Variants in LYPD6B observed in about 807,000 individuals in gnomAD.
LYPD6B encodes ly6/PLAUR domain-containing protein 6B.
In LYPD6B, 17 loss-of-function variants were observed where a neutral mutation model predicts 22.8. That is an observed-to-expected ratio of 0.75 (90% CI 0.51 to 1.12). The LOEUF is 1.12. Ranked by LOEUF, LYPD6B falls within the 50% of genes most tolerant of loss-of-function variation. LYPD6B has a pLI of 0.00. For synonymous variants in LYPD6B, 106 were observed against 91.6 expected (o/e 1.16, Z -0.90); for missense variants, 221 against 258.3 (o/e 0.86, Z 0.99).
intron 3 of LYPD6B, among the ~76,000 whole-genome samples, chr2:149,161,172 G>T (rs2105884801): frequency 6.6e-6 from 1 of 152,228 alleles, no homozygotes; most frequent in Middle Eastern, 3.4e-3. Context: ...GACAGATGGG[G>T]GTGCGTCGGG....
At chr2:149,153,307 G>T (rs1689487347) in intron 2 of LYPD6B, among the ~76,000 whole-genome samples, 1 of 152,186 alleles carries the variant, frequency 6.6e-6, no homozygotes, top group Non-Finnish European at 1.5e-5. Flanking sequence ...TGGAAAATAA[G>T]CTTGGGAGAG....
At chr2:149,163,088 T>G (rs1315101950) in intron 3 of LYPD6B, among the ~76,000 whole-genome samples, 3 of 152,142 alleles carry the variant, frequency 2.0e-5, no homozygotes, top group Non-Finnish European at 4.4e-5. Context: ...GAGCCCAGAT[T>G]CAGCTCTGTG....
At chr2:149,209,308 CATCTT>C (rs1300388532) in intron 5 of LYPD6B, among the ~76,000 whole-genome samples, 1 of 151,976 alleles carries the variant, frequency 6.6e-6, no homozygotes, top group Non-Finnish European at 1.5e-5. Flanking sequence ...TGAGGACTCT[CATCTT>C]CAGACAGAAG....
chr2:149,143,511 C>A (rs1459388444), intron 2 of LYPD6B, among the ~76,000 whole-genome samples: 2 of 75,442 alleles, frequency 2.7e-5, no homozygotes, highest in African/African-American at 5.4e-5. Context: ...CAACATGTGA[C>A]GCAAAAAAAA....
chr2:149,134,325 C>G (rs1688222240), intron 2 of LYPD6B, among the ~76,000 whole-genome samples: 1 of 152,124 alleles, frequency 6.6e-6, no homozygotes, highest in Admixed American at 6.5e-5. Flanking sequence ...AGAATTATGC[C>G]TAGATTGTAC....
At chr2:149,067,823 A>G (rs1684411074) in intron 1 of LYPD6B, among the ~76,000 whole-genome samples, 1 of 152,154 alleles carries the variant, frequency 6.6e-6, no homozygotes, top group South Asian at 2.1e-4. Context: ...GAAAAATTTA[A>G]TTTACTACTC....
At chr2:149,206,128 A>C (rs540397194) in intron 4 of LYPD6B, 7 of 371,454 alleles carry the variant, frequency 1.9e-5, no homozygotes, top group South Asian at 1.6e-4. Flanking sequence ...AGAGTATCAG[A>C]ATCATGATGA....
chr2:149,051,282 A>C lies in LYPD6B; in HGVS notation c.-67+12481A>C, dbSNP rs187221277. Reference sequence around the variant, plus strand: ...CTGGGTTCACACCGTTCTCCTGCTCAGCTTCCCGAATAGCTGGGACTACAG... The same window carrying C: ...CTGGGTTCACACCGTTCTCCTGCTCCGCTTCCCGAATAGCTGGGACTACAG... On this transcript the variant is annotated intron_variant, in intron 1 of 6. Transcript: ENST00000409642. 6.8e-3 allele frequency among the ~76,000 whole-genome samples: 1,031 copies of C among 151,866 alleles called. 8 individuals carry two copies. Among genetic ancestry groups the C allele is most frequent in the African/African-American group, 0.024 (976 of 41,396 alleles).
intron 3 of LYPD6B, among the ~76,000 whole-genome samples, chr2:149,169,799 C>T (rs745635632): frequency 6.6e-6 from 1 of 152,144 alleles, no homozygotes; most frequent in Non-Finnish European, 1.5e-5. Context: ...GTTCTGTTCC[C>T]TGCCAGCCTG....
At chr2:149,098,099 G>A (rs1336267655) in intron 1 of LYPD6B, among the ~76,000 whole-genome samples, 1 of 151,714 alleles carries the variant, frequency 6.6e-6, no homozygotes, top group Admixed American at 6.6e-5. Flanking sequence ...TTTTGAGGTG[G>A]AAAATCCTAC....
intron 1 of LYPD6B, among the ~76,000 whole-genome samples, chr2:149,075,506 T>TGAGA (rs70994555): frequency 0.36 from 54,292 of 151,772 alleles, 9,984 homozygotes; most frequent in South Asian, 0.44. Flanking sequence ...CATAAGATAC[T>TGAGA]GAGACAAACA....
intron 1 of LYPD6B, among the ~76,000 whole-genome samples, chr2:149,048,795 G>A (rs1258962527): frequency 5.9e-5 from 9 of 152,006 alleles, no homozygotes; most frequent in Admixed American, 3.9e-4. Context: ...CTTTCTTTTG[G>A]TGATCTTCTT....
At position 149,139,570 on chromosome 2, in the gene LYPD6B, C is replaced by T. The variant is rs183458249; in HGVS notation, c.5+8617C>T. Among the ~76,000 whole-genome samples, 20 of 152,292 alleles carry T rather than the reference C, an allele frequency of 1.3e-4. No homozygotes were observed. In the East Asian group the frequency reaches 3.5e-3, roughly 26 times the overall value. On this transcript the variant is annotated intron_variant, in intron 2 of 6. Transcript: ENST00000409642. ...GCAAGGCAAATCTTTTCTCATTCCTCATTTAAACAGCAAGGCACTGTTTAA... is the reference window on the plus strand; with the variant it reads ...GCAAGGCAAATCTTTTCTCATTCCTTATTTAAACAGCAAGGCACTGTTTAA...
At chr2:149,078,894 T>C (rs563811266) in intron 1 of LYPD6B, among the ~76,000 whole-genome samples, 3 of 152,012 alleles carry the variant, frequency 2.0e-5, no homozygotes, top group South Asian at 4.2e-4. Flanking sequence ...TGTAGTCCCA[T>C]CTACTCGGGA....
At chr2:149,048,305 C>T (rs1261997725) in intron 1 of LYPD6B, among the ~76,000 whole-genome samples, 1 of 152,300 alleles carries the variant, frequency 6.6e-6, no homozygotes, top group African/African-American at 2.4e-5. Context: ...TCAATCTAGT[C>T]AGAAGATGAA....
At chr2:149,177,718 G>A (rs1368507812) in intron 3 of LYPD6B, among the ~76,000 whole-genome samples, 1 of 152,098 alleles carries the variant, frequency 6.6e-6, no homozygotes, top group Non-Finnish European at 1.5e-5. Flanking sequence ...TTTAGCAGGC[G>A]ATGTGCAGAG....
chr2:149,132,863 A>G (rs4667353), intron 2 of LYPD6B, among the ~76,000 whole-genome samples: 64,389 of 151,724 alleles, frequency 0.42, 13,834 homozygotes, highest in East Asian at 0.54. Context: ...TCAGTTTCTG[A>G]GAACTGATGC....
intron 3 of LYPD6B, among the ~76,000 whole-genome samples, chr2:149,173,968 A>G (rs1366809978): frequency 6.6e-6 from 1 of 152,206 alleles, no homozygotes; most frequent in East Asian, 1.9e-4. Flanking sequence ...TATTGAATCT[A>G]TAAATTGCTT....
intron 2 of LYPD6B, among the ~76,000 whole-genome samples, chr2:149,141,332 G>C (rs527750904): frequency 9.2e-5 from 14 of 152,176 alleles, no homozygotes; most frequent in African/African-American, 2.4e-4. Flanking sequence ...TGGAGTACAG[G>C]GGGGAGAGAA....
Sources: gnomAD v4.1 joint callset for allele counts (sites outside exome capture counted in the v4.1 genomes callset) on GRCh38, gnomAD v4.1.1 for gene constraint, MANE v1.5 for transcripts, NCBI Gene and HGNC (gene_info 2026-07-23, HGNC 2026-07-21) for gene names.